The following ZNF366 variants were observed in gnomAD, a reference collection of about 807,000 sequenced individuals.
The protein encoded by ZNF366 is zinc finger protein 366.
ZNF366 carries 20 observed loss-of-function variants against 47.2 expected under a neutral mutation model. The observed-to-expected ratio is 0.42, with a 90% confidence interval of 0.30 to 0.62. The LOEUF (loss-of-function observed/expected upper bound fraction) is 0.62, where lower values mean the gene tolerates loss of function less well. ZNF366 is among the 20% of genes least tolerant of loss of function. The pLI is 0.16. For synonymous variants in ZNF366, 421 were observed against 395.1 expected (o/e 1.07, Z -0.78); for missense variants, 987 against 976.3 (o/e 1.01, Z -0.15).
intron 1 of ZNF366, among the ~76,000 whole-genome samples, chr5:72,472,966 G>A (rs556388818): frequency 5.9e-5 from 9 of 152,208 alleles, no homozygotes; most frequent in African/African-American, 2.2e-4. Flanking sequence ...CCACACCCTC[G>A]AGGGAGCTTC....
intron 1 of ZNF366, among the ~76,000 whole-genome samples, chr5:72,503,551 A>ACACG (rs1490564935): frequency 1.7e-4 from 26 of 151,662 alleles, no homozygotes; most frequent in African/African-American, 6.3e-4. Context: ...ACACACACAC[A>ACACG]CACACGCACA....
intron 1 of ZNF366, among the ~76,000 whole-genome samples, chr5:72,464,759 T>C (rs1015659251): frequency 2.4e-4 from 36 of 152,186 alleles, no homozygotes; most frequent in Admixed American, 2.0e-4. Context: ...CCCAGAAGGT[T>C]TTTTAAAAAG....
At chr5:72,493,752 CA>C (rs1199884586) in intron 1 of ZNF366, 1 of 151,794 alleles carries the variant, frequency 6.6e-6, no homozygotes, top group Admixed American at 6.6e-5. Context: ...TAACATTAAA[CA>C]TTTTTTTTCT....
At chr5:72,467,943 A>G (rs751832485) in intron 1 of ZNF366, among the ~76,000 whole-genome samples, 3 of 152,174 alleles carry the variant, frequency 2.0e-5, no homozygotes, top group Non-Finnish European at 4.4e-5. Flanking sequence ...GGGGAGGACT[A>G]CAGGAAGGCA....
chr5:72,455,161 G>A (rs1370232692), intron 3 of ZNF366, among the ~76,000 whole-genome samples: 1 of 152,264 alleles, frequency 6.6e-6, no homozygotes, highest in South Asian at 2.1e-4. Flanking sequence ...GCAGGAAAAG[G>A]GCTGGAGGGA....
chr5:72,468,414 C>A (rs1020701911), intron 1 of ZNF366, among the ~76,000 whole-genome samples: 1 of 152,116 alleles, frequency 6.6e-6, no homozygotes, highest in Non-Finnish European at 1.5e-5. Context: ...TCTAGGTGGC[C>A]AGAAAATACG....
intron 1 of ZNF366, among the ~76,000 whole-genome samples, chr5:72,474,235 C>T (rs1743626031): frequency 6.6e-6 from 1 of 152,146 alleles, no homozygotes; most frequent in Non-Finnish European, 1.5e-5. Context: ...CTGACACTGT[C>T]TCAGAAGCAC....
chr5:72,448,698 A>AT (rs1294349634), intron 3 of ZNF366, among the ~76,000 whole-genome samples: 1 of 152,066 alleles, frequency 6.6e-6, no homozygotes, highest in Non-Finnish European at 1.5e-5. Flanking sequence ...ACTGAGATAT[A>AT]TTTTTAGGGC....
At chr5:72,454,285 TG>T (rs1743136756) in intron 3 of ZNF366, among the ~76,000 whole-genome samples, 1 of 152,220 alleles carries the variant, frequency 6.6e-6, no homozygotes, top group African/African-American at 2.4e-5. Flanking sequence ...AACATCAAGC[TG>T]GGATTGCTCA....
chr5:72,481,507 A>ACATCT (rs1293010308), intron 1 of ZNF366, among the ~76,000 whole-genome samples: 2 of 152,210 alleles, frequency 1.3e-5, no homozygotes, highest in Non-Finnish European at 2.9e-5. Flanking sequence ...AATCCTTGTT[A>ACATCT]CATCTCTATC....
At chr5:72,489,966 T>C (rs1432689777) in intron 1 of ZNF366, among the ~76,000 whole-genome samples, 1 of 152,238 alleles carries the variant, frequency 6.6e-6, no homozygotes, top group Non-Finnish European at 1.5e-5. Flanking sequence ...CTGACTCTTT[T>C]CTAGCAGGTT....
intron 2 of ZNF366, among the ~76,000 whole-genome samples, chr5:72,456,990 A>G (rs1191577319): frequency 4.6e-5 from 7 of 152,172 alleles, no homozygotes; most frequent in African/African-American, 1.7e-4. Context: ...ATCTTCCAAA[A>G]TGATATTATC....
At chr5:72,465,802 C>G (rs1022707682) in intron 1 of ZNF366, among the ~76,000 whole-genome samples, 1 of 152,178 alleles carries the variant, frequency 6.6e-6, no homozygotes, top group Non-Finnish European at 1.5e-5. Flanking sequence ...ATGGAAAGAG[C>G]GTTGGTTTGG....
In ZNF366 at chr5:72,497,350, C is replaced by A. The variant is rs538410691; in HGVS notation, c.-15+9901G>T. On this transcript the variant is annotated intron_variant, in intron 1 of 4. Coordinates refer to ENST00000318442, the MANE Select transcript of ZNF366 (RefSeq NM_152625.3). ...AGATAAGAGCCAAAGTTCATTTTTT[C>A]TTTTGTTATGGATATGGAATCGTTT... 5.9e-5 allele frequency among the ~76,000 whole-genome samples: 9 copies of A among 152,140 alleles called. No homozygotes were observed. In the South Asian group the frequency reaches 1.7e-3, roughly 28 times the overall value.
rs79062376 is a variant in ZNF366, at chr5:72,492,810, C to T, written c.-15+14441G>A. Among the ~76,000 whole-genome samples the T allele has an allele frequency of 5.7e-3, 867 of 152,300 alleles. 5 individuals carry two copies. The highest frequency in any genetic ancestry group is 0.02 in the African/African-American group (832 of 41,566). On this transcript the variant is annotated intron_variant, in intron 1 of 4. Coordinates refer to ENST00000318442, the MANE Select transcript of ZNF366 (RefSeq NM_152625.3). Reference sequence around the variant, plus strand: ...GCAAGAAAGCATCGCTTCTCTTCTCCCATTTAGAGGGTCTAATGGCCTTAT... The same window carrying T: ...GCAAGAAAGCATCGCTTCTCTTCTCTCATTTAGAGGGTCTAATGGCCTTAT...
At chr5:72,481,988 A>G (rs1743797573) in intron 1 of ZNF366, among the ~76,000 whole-genome samples, 1 of 152,164 alleles carries the variant, frequency 6.6e-6, no homozygotes, top group Non-Finnish European at 1.5e-5. Context: ...AAAGTTCTAG[A>G]GTCCAAGTGT....
intron 2 of ZNF366, among the ~76,000 whole-genome samples, chr5:72,458,722 A>C (rs1168589801): frequency 6.6e-6 from 1 of 152,224 alleles, no homozygotes; most frequent in African/African-American, 2.4e-5. Context: ...GTTGTTGAGA[A>C]GTAAATGAGG....
chr5:72,458,981 G>A (rs182553553), intron 2 of ZNF366, among the ~76,000 whole-genome samples: 1 of 152,156 alleles, frequency 6.6e-6, no homozygotes, highest in East Asian at 1.9e-4. Context: ...GTTAGCGAAT[G>A]GTCCCCTTTA....
chr5:72,474,594 A>G (rs1231472539), intron 1 of ZNF366, among the ~76,000 whole-genome samples: 3 of 152,158 alleles, frequency 2.0e-5, no homozygotes, highest in Non-Finnish European at 4.4e-5. Context: ...TTTTTTAATA[A>G]GATTTCATCA....
Sources: gnomAD v4.1 joint callset for allele counts (sites outside exome capture counted in the v4.1 genomes callset) on GRCh38, gnomAD v4.1.1 for gene constraint, MANE v1.5 for transcripts, NCBI Gene and HGNC (gene_info 2026-07-23, HGNC 2026-07-21) for gene names.